Variants in GRM7 observed in about 807,000 individuals in gnomAD.
GRM7 encodes metabotropic glutamate receptor 7.
A neutral mutation model predicts 84.5 loss-of-function variants in GRM7; 35 were observed. The observed-to-expected ratio is 0.41, with a 90% CI of 0.32 to 0.55. GRM7 has a LOEUF of 0.55. GRM7 is among the 20% of genes least tolerant of loss of function. The pLI, the probability that GRM7 is intolerant of heterozygous loss-of-function variation, is 0.19. For synonymous variants in GRM7, 487 were observed against 455.1 expected (o/e 1.07, Z -0.89); for missense variants, 1,003 against 1,194.6 (o/e 0.84, Z 2.36).
intron 1 of GRM7, among the ~76,000 whole-genome samples, chr3:6,946,663 T>G (rs1433215651): frequency 2.0e-5 from 3 of 152,220 alleles, no homozygotes; most frequent in African/African-American, 7.2e-5. Flanking sequence ...TATGGCCATT[T>G]TCATGATATT....
intron 1 of GRM7, among the ~76,000 whole-genome samples, chr3:7,026,617 A>G (rs1278604362): frequency 6.6e-6 from 1 of 152,190 alleles, no homozygotes; most frequent in Non-Finnish European, 1.5e-5. Context: ...AAGAGAGGGG[A>G]AAAATGCTCA....
In GRM7 at chr3:7,037,509, C is replaced by A. The variant is rs544478012; in HGVS notation, c.520-108943C>A. Among the ~76,000 whole-genome samples, 9 of 152,262 alleles carry A rather than the reference C, an allele frequency of 5.9e-5. 2 individuals carry two copies. The South Asian group carries it at 1.9e-3, about 32-fold the overall frequency. On this transcript the variant is annotated intron_variant, in intron 1 of 9. Transcript: ENST00000357716. Reference sequence around the variant, plus strand: ...ATTGAGTGAATTCATGTAAAGGGCACATAGGAAGTGCTCCACGAACATTAG... The same window carrying A: ...ATTGAGTGAATTCATGTAAAGGGCAAATAGGAAGTGCTCCACGAACATTAG...
intron 1 of GRM7, among the ~76,000 whole-genome samples, chr3:6,984,015 A>G (rs1694305376): frequency 6.6e-6 from 1 of 152,236 alleles, no homozygotes. Flanking sequence ...GGCATAGGAC[A>G]TTGACAGGGG....
At chr3:7,037,654 A>G (rs1394706607) in intron 1 of GRM7, among the ~76,000 whole-genome samples, 1 of 152,194 alleles carries the variant, frequency 6.6e-6, no homozygotes, top group East Asian at 1.9e-4. Context: ...GACTGAAGGA[A>G]GGAACCAACA....
chr3:7,671,413 G>A (rs951499155), intron 8 of GRM7, among the ~76,000 whole-genome samples: 49 of 152,074 alleles, frequency 3.2e-4, no homozygotes, highest in Admixed American at 3.1e-3. Flanking sequence ...CTGAGATGCA[G>A]GTGATTCCAA....
intron 2 of GRM7, among the ~76,000 whole-genome samples, chr3:7,153,709 T>C (rs1694358584): frequency 6.6e-6 from 1 of 152,140 alleles, no homozygotes; most frequent in Non-Finnish European, 1.5e-5. Flanking sequence ...CTTGTACTTA[T>C]GCAATATGTA....
At chr3:6,894,577 G>A (rs1466351442) in intron 1 of GRM7, among the ~76,000 whole-genome samples, 1 of 151,942 alleles carries the variant, frequency 6.6e-6, no homozygotes, top group Admixed American at 6.6e-5. Flanking sequence ...ACATATGTGT[G>A]TATATATGTA....
chr3:7,166,666 C>A (rs1020447794), intron 2 of GRM7, among the ~76,000 whole-genome samples: 1 of 152,186 alleles, frequency 6.6e-6, no homozygotes, highest in African/African-American at 2.4e-5. Flanking sequence ...CACCAAATCC[C>A]TGCATTGTCT....
chr3:7,431,139 C>A (rs1696813803), intron 5 of GRM7, among the ~76,000 whole-genome samples: 1 of 152,000 alleles, frequency 6.6e-6, no homozygotes, highest in African/African-American at 2.4e-5. Context: ...ACACACGTAC[C>A]CCAAACTGGA....
intron 8 of GRM7, among the ~76,000 whole-genome samples, chr3:7,612,768 A>AG (rs1275388105): frequency 6.6e-6 from 1 of 152,200 alleles, no homozygotes; most frequent in African/African-American, 2.4e-5. Context: ...ATTTTAGAGG[A>AG]GAAAAAGTGA....
At chr3:7,025,140 C>G (rs971045196) in intron 1 of GRM7, among the ~76,000 whole-genome samples, 3 of 152,164 alleles carry the variant, frequency 2.0e-5, no homozygotes, top group African/African-American at 7.2e-5. Flanking sequence ...GACACTCTCT[C>G]CTGCCTCACT....
At chr3:7,464,131 C>T (rs548417504) in intron 7 of GRM7, among the ~76,000 whole-genome samples, 1 of 152,174 alleles carries the variant, frequency 6.6e-6, no homozygotes, top group South Asian at 2.1e-4. Context: ...ACTAGAGGTG[C>T]GGGAAGCCTC....
At chr3:7,657,232 T>C (rs1413595253) in intron 8 of GRM7, among the ~76,000 whole-genome samples, 1 of 151,852 alleles carries the variant, frequency 6.6e-6, no homozygotes, top group East Asian at 1.9e-4. Flanking sequence ...ATTCCCCAAG[T>C]GAGAAAAAAA....
At position 7,401,496 on chromosome 3, in the gene GRM7, C is replaced by G. The variant is rs1408912409; in HGVS notation, c.1034-13527C>G. On this transcript the variant is annotated intron_variant, in intron 4 of 9. Transcript: ENST00000357716. ...GAGCATGAAGTACTCCTACTAATAG[C>G]ACTCCACATTGAGATAAAAGCAATG... Among the ~76,000 whole-genome samples the G allele has an allele frequency of 2.0e-5, 3 of 152,120 alleles. No individual in the cohort carries two copies. In the South Asian group the frequency reaches 6.2e-4, roughly 31 times the overall value.
chr3:7,266,074 A>C (rs1182243878), intron 2 of GRM7, among the ~76,000 whole-genome samples: 1 of 152,154 alleles, frequency 6.6e-6, no homozygotes, highest in Non-Finnish European at 1.5e-5. Context: ...TGAAGTAGAA[A>C]AGTGGGTTAA....
At chr3:7,460,099 TAAAAAAAAAAA>T (rs71066013) in intron 6 of GRM7, among the ~76,000 whole-genome samples, 12 of 49,544 alleles carry the variant, frequency 2.4e-4, no homozygotes, top group African/African-American at 7.4e-4. Context: ...CTTAAAATAG[TAAAAAAAAAAA>T]AAAAAAAAAA....
intron 8 of GRM7, among the ~76,000 whole-genome samples, chr3:7,644,255 TA>T (rs1698521193): frequency 6.7e-6 from 1 of 149,734 alleles, no homozygotes; most frequent in South Asian, 2.1e-4. Context: ...TGTGTGTCTG[TA>T]CATATATATA....
chr3:7,537,050 T>C (rs1049419229), intron 7 of GRM7, among the ~76,000 whole-genome samples: 1 of 152,094 alleles, frequency 6.6e-6, no homozygotes. Flanking sequence ...GGGGCACAGA[T>C]GCTTGAGGAA....
At chr3:7,153,035 G>A (rs1694333341) in intron 2 of GRM7, among the ~76,000 whole-genome samples, 1 of 151,780 alleles carries the variant, frequency 6.6e-6, no homozygotes, top group African/African-American at 2.4e-5. Context: ...GTCACAGATA[G>A]ATGTGGTATC....
Sources: allele counts gnomAD v4.1 joint callset (sites outside exome capture counted in the v4.1 genomes callset), GRCh38; gene constraint gnomAD v4.1.1; transcripts MANE v1.5; gene names NCBI Gene and HGNC (gene_info 2026-07-23, HGNC 2026-07-21).